Variants in ACOX3 observed in about 807,000 individuals in gnomAD.
ACOX3 encodes peroxisomal acyl-coenzyme A oxidase 3.
ACOX3 carries 73 observed loss-of-function variants against 81.5 expected under a neutral mutation model. That is an observed-to-expected ratio of 0.90 (90% CI 0.74 to 1.09). ACOX3 has a LOEUF of 1.09. Among genes scored for constraint, ACOX3 ranks in the 50% least tolerant of loss-of-function variants. ACOX3 has a pLI of 0.00. For missense variants in ACOX3, 947 were observed against 928.0 expected, an observed-to-expected ratio of 1.02 and a Z score of -0.27; for synonymous variants, 387 against 375.1, an observed-to-expected ratio of 1.03 and a Z score of -0.37.
Position 8,389,357 on chromosome 4 carries a change from C to G in ACOX3, c.1424-71G>C. The stretch of plus-strand genomic sequence containing the variant: ...ACCATTGGGAACCCCAAGCTGGGGG[C>G]ACCCCAAAGCACAGAGAGTGTCCAG... On this transcript the variant is annotated intron_variant, in intron 12 of 17. Coordinates refer to ENST00000356406, the MANE Select transcript of ACOX3 (RefSeq NM_003501.3). This position sits in a 1 kb window ranked among gnomAD's most constrained non-coding sequence, Gnocchi z 5.3. 3 of 1,457,020 alleles carry G rather than the reference C, an allele frequency of 2.1e-6. No homozygotes were observed. The highest frequency in any genetic ancestry group is 2.8e-6 in the Non-Finnish European group (3 of 1,061,822). 90.3% of individuals were successfully genotyped at this position (1,457,020 alleles called of 1,614,324 possible).
In ACOX3 at chr4:8,416,608, C is replaced by T; in HGVS notation, c.-14-73G>A. On this transcript the variant is annotated intron_variant, in intron 1 of 17. Transcript: ENST00000356406. This position sits in a 1 kb window ranked among gnomAD's most constrained non-coding sequence, Gnocchi z 4.2. ...CAAACTACCCCCACCAACAGGAGAGCCCGCAACACCTTACAAATCAGAGAA... is the reference window on the plus strand; with the variant it reads ...CAAACTACCCCCACCAACAGGAGAGTCCGCAACACCTTACAAATCAGAGAA... 1 of 1,433,610 alleles carries T rather than the reference C, an allele frequency of 7.0e-7. No homozygotes were observed. The highest frequency in any genetic ancestry group is 1.9e-4 in the Middle Eastern group (1 of 5,328). The allele number at this position is 1,433,610 out of a possible 1,614,324, so 88.8% of individuals were successfully genotyped here.
rs1421938274 is a variant in ACOX3, at chr4:8,382,994, A to AG, written c.1538-1388_1538-1387insC. 2.0e-4 allele frequency among the ~76,000 whole-genome samples: 30 copies of AG among 149,800 alleles called. 1 individual carries two copies. The highest frequency in any genetic ancestry group is 3.4e-4 in the Non-Finnish European group (23 of 67,332). On this transcript the variant is annotated intron_variant, in intron 13 of 17. Coordinates refer to ENST00000356406, the MANE Select transcript of ACOX3 (RefSeq NM_003501.3). This position sits in a 1 kb window ranked among gnomAD's most constrained non-coding sequence, Gnocchi z 4.1. ...CGACAGAGCGAGACTCCGTCTCAAA[A>AG]AAAAAAAAAAAAGAAAAGAAAATAC...
the ACOX3 span, chr4:8,357,727 G>A: frequency 1.0e-4 from 23 of 228,804 alleles, no homozygotes; most frequent in African/African-American, 5.2e-4. Flanking sequence ...TTAGGAGCAG[G>A]GACCGTGTGT....
intron 15 of ACOX3, 68 bp from the exon 16 acceptor site, chr4:8,373,696 C>G: frequency 6.8e-7 from 1 of 1,462,450 alleles, no homozygotes; most frequent in Non-Finnish European, 9.4e-7. Context: ...ACCAACATGC[C>G]CTGAGTGCAC....
In ACOX3 at chr4:8,410,214, G is replaced by A; in HGVS notation, c.685C>T (p.Gln229Ter). 1 of 1,613,844 alleles carries A rather than the reference G, an allele frequency of 6.2e-7. No homozygotes were observed. Among genetic ancestry groups the A allele is most frequent in the East Asian group, 2.2e-5 (1 of 44,874 alleles). Residue 229 changes from glutamine to a stop codon, truncating the protein, a stop_gained and splice_region_variant, in exon 6 of 18, where the codon CAG (glutamine) becomes TAG (stop). Coordinates refer to ENST00000356406, the MANE Select transcript of ACOX3 (RefSeq NM_003501.3). LOFTEE classifies it high-confidence loss of function. ...QCHGLHPFIV[Q>*]IRDPKTLLPM... is the part of the protein sequence containing the mutation. ...TGAGGGCCACCCCAGCGTCCTACCT[G>A]CACGATAAAGGGATGCAGCCCATGG...
intron 1 of ACOX3, among the ~76,000 whole-genome samples, chr4:8,422,526 A>G (rs1041339419): frequency 1.3e-5 from 2 of 152,118 alleles, no homozygotes; most frequent in Admixed American, 1.3e-4. Flanking sequence ...GCAGAACAGG[A>G]CAAACGGGCC....
At chr4:8,420,538 A>T (rs1578983438) in intron 1 of ACOX3, among the ~76,000 whole-genome samples, 1 of 152,348 alleles carries the variant, frequency 6.6e-6, no homozygotes, top group East Asian at 1.9e-4. Flanking sequence ...CAGGAGGTAA[A>T]GAAATAATTA....
downstream of ACOX3, among the ~76,000 whole-genome samples, chr4:8,364,447 A>G (rs142070114): frequency 1.3e-5 from 2 of 152,094 alleles, no homozygotes; most frequent in African/African-American, 4.8e-5. This position sits in a 1 kb window ranked among gnomAD's most constrained non-coding sequence, Gnocchi z 5.0. Context: ...TGCAAACCAC[A>G]TGGTGACATT....
chr4:8,436,835 CA>C (rs1306321661), intron 1 of ACOX3, among the ~76,000 whole-genome samples: 2 of 146,562 alleles, frequency 1.4e-5, no homozygotes, highest in Admixed American at 6.8e-5. Context: ...AAAAAAAACA[CA>C]AAAAAATTAG....
At position 8,386,522 on chromosome 4, in the gene ACOX3, T is replaced by TGC. The variant is rs1718320293; in HGVS notation, c.1537+2650_1537+2651insGC. 7.2e-6 allele frequency among the ~76,000 whole-genome samples: 1 copy of TGC among 139,074 alleles called. No homozygotes were observed. The highest frequency in any genetic ancestry group is 1.5e-5 in the Non-Finnish European group (1 of 65,978). 91.2% of individuals were successfully genotyped at this position (139,074 alleles called of 152,430 possible). A position where few individuals can be genotyped will look rare whatever the true frequency, so the allele number is the denominator to read the frequency against. Reference sequence around the variant, plus strand: ...TGGAGCTTGCAGTGAGCCGAGATCATACCACTGCACTCCAGCCTGGGCGAC... The same window carrying TGC: ...TGGAGCTTGCAGTGAGCCGAGATCATGCACCACTGCACTCCAGCCTGGGCGAC... On this transcript the variant is annotated intron_variant, in intron 13 of 17. Transcript: ENST00000356406. The surrounding 1 kb of genome is among the most constrained non-coding windows in gnomAD (Gnocchi z 5.2).
Position 8,414,255 on chromosome 4 carries a change from C to A in ACOX3, c.543+37G>T, listed in dbSNP as rs2245515. On this transcript the variant is annotated intron_variant, in intron 5 of 17. Coordinates refer to ENST00000356406, the MANE Select transcript of ACOX3 (RefSeq NM_003501.3). The surrounding 1 kb of genome is among the most constrained non-coding windows in gnomAD (Gnocchi z 6.1). The stretch of plus-strand genomic sequence containing the variant: ...ATTTGCACTCATGACGTCTCATATG[C>A]TCCAAACTCAGGGACCCGGGGGAAG... The A allele has an allele frequency of 1.9e-6, 3 of 1,571,026 alleles. No homozygotes were observed. The Admixed American group carries it at 5.0e-5, about 26-fold the overall frequency.
the ACOX3 span, among the ~76,000 whole-genome samples, chr4:8,360,054 C>T: frequency 1.3e-5 from 2 of 152,172 alleles, no homozygotes; most frequent in Non-Finnish European, 2.9e-5. Context: ...CTGCAGGTCC[C>T]TCAAAAAACT....
chr4:8,381,764 G>C lies in ACOX3; in HGVS notation c.1538-157C>G, dbSNP rs763930986. Reference sequence around the variant, plus strand: ...TGGGGTGGGTCTGATTTTATAGGTAGGGAAACTGAAGCACAGGGAGGGCAC... The same window carrying C: ...TGGGGTGGGTCTGATTTTATAGGTACGGAAACTGAAGCACAGGGAGGGCAC... On this transcript the variant is annotated intron_variant, in intron 13 of 17. Coordinates refer to ENST00000356406, the MANE Select transcript of ACOX3 (RefSeq NM_003501.3). The surrounding 1 kb of genome is among the most constrained non-coding windows in gnomAD (Gnocchi z 4.3). Among the ~76,000 whole-genome samples, 26 of 152,328 alleles carry C rather than the reference G, an allele frequency of 1.7e-4. No homozygotes were observed. Among genetic ancestry groups the C allele is most frequent in the Non-Finnish European group, 8.8e-5 (6 of 68,030 alleles).
chr4:8,385,460 C>T lies in ACOX3; in HGVS notation c.1537+3713G>A, dbSNP rs1056878198. Among the ~76,000 whole-genome samples the T allele has an allele frequency of 6.6e-6, 1 of 152,252 alleles. No individual in the cohort carries two copies. Among genetic ancestry groups the T allele is most frequent in the Non-Finnish European group, 1.5e-5 (1 of 68,048 alleles). On this transcript the variant is annotated intron_variant, in intron 13 of 17. Coordinates refer to ENST00000356406, the MANE Select transcript of ACOX3 (RefSeq NM_003501.3). The surrounding 1 kb of genome is among the most constrained non-coding windows in gnomAD (Gnocchi z 5.5). Reference sequence around the variant, plus strand: ...CATGACCTTGCAGTCCACAAATACACACGTGTCCGAGTAGTGAACACTGCA... The same window carrying T: ...CATGACCTTGCAGTCCACAAATACATACGTGTCCGAGTAGTGAACACTGCA...
chr4:8,414,168 A>G lies in ACOX3; in HGVS notation c.543+124T>C. Reference sequence around the variant, plus strand: ...GATGAATCTCAGTGGGTATTTCTACACAAGTGTATGTGGACAGGCCTCTTG... The same window carrying G: ...GATGAATCTCAGTGGGTATTTCTACGCAAGTGTATGTGGACAGGCCTCTTG... On this transcript the variant is annotated intron_variant, in intron 5 of 17. Coordinates refer to ENST00000356406, the MANE Select transcript of ACOX3 (RefSeq NM_003501.3). The surrounding 1 kb of genome is among the most constrained non-coding windows in gnomAD (Gnocchi z 6.1). 1.2e-6 allele frequency: 1 copy of G among 810,468 alleles called. No individual in the cohort carries two copies. 50.2% of individuals were successfully genotyped at this position (810,468 alleles called of 1,614,324 possible). A position where few individuals can be genotyped will look rare whatever the true frequency, so the allele number is the denominator to read the frequency against.
chr4:8,425,975 A>G (rs557630238), intron 1 of ACOX3, among the ~76,000 whole-genome samples: 19 of 152,218 alleles, frequency 1.2e-4, no homozygotes, highest in African/African-American at 4.6e-4. Flanking sequence ...ACATCTAAAA[A>G]AGCTAACTCA....
intron 1 of ACOX3, among the ~76,000 whole-genome samples, chr4:8,421,664 T>C (rs1297495698): frequency 1.3e-5 from 2 of 152,240 alleles, no homozygotes; most frequent in Non-Finnish European, 2.9e-5. Flanking sequence ...TTAGAGCAAG[T>C]TGTATCTCCA....
chr4:8,390,701 T>TG (rs1718887792), intron 11 of ACOX3, among the ~76,000 whole-genome samples: 1 of 152,222 alleles, frequency 6.6e-6, no homozygotes, highest in South Asian at 2.1e-4. Flanking sequence ...GAGGCTGGGA[T>TG]GGGCCTAGCA....
intron 14 of ACOX3, among the ~76,000 whole-genome samples, chr4:8,379,629 G>A (rs1717389880): frequency 6.6e-6 from 1 of 152,186 alleles, no homozygotes; most frequent in South Asian, 2.1e-4. Flanking sequence ...ACACATGCCA[G>A]GTCCCCAGCA....
Sources: gnomAD v4.1 joint callset for allele counts (sites outside exome capture counted in the v4.1 genomes callset) on GRCh38, gnomAD v4.1.1 for gene constraint, Gnocchi (gnomAD v3.1) non-coding constraint, MANE v1.5 for transcripts, NCBI Gene and HGNC (gene_info 2026-07-23, HGNC 2026-07-21) for gene names.